Variants in TRHDE observed in about 807,000 individuals in gnomAD.
TRHDE encodes thyrotropin releasing hormone degrading enzyme, also known as thyrotropin-releasing hormone-degrading ectoenzyme.
TRHDE carries 72 observed loss-of-function variants against 125.7 expected under a neutral mutation model. The ratio of observed to expected loss-of-function variants is 0.57; its 90% confidence interval spans 0.47 to 0.70. TRHDE has a LOEUF of 0.70. TRHDE is among the 30% of genes least tolerant of loss of function. The probability of loss-of-function intolerance (pLI) is 0.00; values close to 1 mark genes in which losing one functional copy is unlikely to be tolerated. For missense variants in TRHDE, 1,110 were observed against 1,327.1 expected, an observed-to-expected ratio of 0.84 and a Z score of 2.54; for synonymous variants, 509 against 509.1, an observed-to-expected ratio of 1.00 and a Z score of 0.00.
rs1027245878 is a variant in TRHDE at position 72,616,453 on chromosome 12, G to A, written c.2322-2438G>A. 2.6e-5 allele frequency among the ~76,000 whole-genome samples: 4 copies of A among 152,084 alleles called. No individual in the cohort carries two copies. The East Asian group carries it at 7.7e-4, about 29-fold the overall frequency. The stretch of plus-strand genomic sequence containing the variant: ...CTTAGTTCCATCCTTTTATTTTATA[G>A]ACACAGAATGTGAGGGCTGGAGAGA... On this transcript the variant is annotated intron_variant, in intron 12 of 18. Transcript: ENST00000261180.
intron 15 of TRHDE, among the ~76,000 whole-genome samples, chr12:72,640,533 T>A (rs983909691): frequency 1.3e-5 from 2 of 151,316 alleles, no homozygotes; most frequent in African/African-American, 2.4e-5. Flanking sequence ...CACTTACTTT[T>A]TCAATCCTTT....
At chr12:72,221,193 A>T (rs1277859443) in intron 2 of TRHDE, among the ~76,000 whole-genome samples, 1 of 152,088 alleles carries the variant, frequency 6.6e-6, no homozygotes, top group Non-Finnish European at 1.5e-5. Context: ...TGCCTATTAG[A>T]AAATATGTGT....
intron 12 of TRHDE, among the ~76,000 whole-genome samples, chr12:72,617,436 A>G (rs934230779): frequency 6.6e-6 from 1 of 152,144 alleles, no homozygotes; most frequent in African/African-American, 2.4e-5. Context: ...GACTAAATGG[A>G]AAAATTATTT....
At chr12:72,480,962 T>G (rs114977009) in intron 5 of TRHDE, among the ~76,000 whole-genome samples, 2,883 of 152,186 alleles carry the variant, frequency 0.019, 85 homozygotes, top group African/African-American at 0.066. Context: ...GTAAAAACGT[T>G]ATTCTCTTTT....
intron 2 of TRHDE, among the ~76,000 whole-genome samples, chr12:72,203,075 T>G (rs978262990): frequency 4.6e-5 from 7 of 152,278 alleles, no homozygotes; most frequent in African/African-American, 1.7e-4. Context: ...AGTGAACTAT[T>G]ATGTCTTTTA....
At chr12:72,589,298 T>C (rs773798669) in intron 12 of TRHDE, among the ~76,000 whole-genome samples, 2 of 152,214 alleles carry the variant, frequency 1.3e-5, no homozygotes, top group Non-Finnish European at 2.9e-5. Context: ...GAGACTCTTT[T>C]CATATGCTCA....
chr12:72,600,941 T>C (rs771095497), intron 12 of TRHDE, among the ~76,000 whole-genome samples: 1 of 152,086 alleles, frequency 6.6e-6, no homozygotes, highest in Non-Finnish European at 1.5e-5. Flanking sequence ...ACAACATCCA[T>C]TCTACAACCT....
At chr12:72,234,174 T>G (rs1363535701) in intron 2 of TRHDE, among the ~76,000 whole-genome samples, 1 of 152,180 alleles carries the variant, frequency 6.6e-6, no homozygotes, top group East Asian at 1.9e-4. Flanking sequence ...AGAATTTTTT[T>G]TCTCTAAGTG....
intron 3 of TRHDE, among the ~76,000 whole-genome samples, chr12:72,430,122 T>A (rs746323088): frequency 2.6e-5 from 4 of 151,102 alleles, no homozygotes; most frequent in Non-Finnish European, 5.9e-5. Flanking sequence ...ATTTTATGGT[T>A]TTAGCTCTTA....
chr12:72,205,139 T>A (rs1010886323), intron 2 of TRHDE, among the ~76,000 whole-genome samples: 7 of 152,218 alleles, frequency 4.6e-5, no homozygotes, highest in Non-Finnish European at 8.8e-5. Flanking sequence ...CCACTCAGAC[T>A]GCTTATTCCT....
chr12:72,420,722 T>C (rs181414222), intron 3 of TRHDE, among the ~76,000 whole-genome samples: 2 of 152,298 alleles, frequency 1.3e-5, no homozygotes, highest in East Asian at 3.9e-4. Flanking sequence ...AGGTATGCTG[T>C]TGATCAATTT....
intron 3 of TRHDE, among the ~76,000 whole-genome samples, chr12:72,383,370 A>ATTTTTTTTT (rs552559387): frequency 5.9e-5 from 6 of 100,956 alleles, no homozygotes; most frequent in Admixed American, 1.2e-4. Context: ...AACCCATTTA[A>ATTTTTTTTT]TTTTTTTTTT....
intron 2 of TRHDE, among the ~76,000 whole-genome samples, chr12:72,374,555 C>A (rs1871786764): frequency 6.6e-6 from 1 of 151,986 alleles, no homozygotes; most frequent in Non-Finnish European, 1.5e-5. Context: ...AACCTGGGAA[C>A]CCTCCAACAT....
intron 15 of TRHDE, among the ~76,000 whole-genome samples, chr12:72,651,576 T>C (rs1874507849): frequency 6.6e-6 from 1 of 151,798 alleles, no homozygotes; most frequent in Non-Finnish European, 1.5e-5. Flanking sequence ...TATTAAAAAG[T>C]CAGTAAATGT....
chr12:72,111,929 C>T (rs896434968), intron 2 of TRHDE, among the ~76,000 whole-genome samples: 7 of 151,766 alleles, frequency 4.6e-5, no homozygotes, highest in Non-Finnish European at 1.0e-4. Context: ...CTGGGTAGCA[C>T]GTTGCAGCTG....
intron 2 of TRHDE, among the ~76,000 whole-genome samples, chr12:72,326,976 G>A (rs1869369386): frequency 6.6e-6 from 1 of 152,086 alleles, no homozygotes; most frequent in Admixed American, 6.5e-5. Context: ...AAGCTCTACA[G>A]TTCTTTGATT....
In TRHDE at chr12:72,497,947, T is replaced by C. The variant is rs553245517; in HGVS notation, c.1585-1551T>C. 2.0e-5 allele frequency among the ~76,000 whole-genome samples: 3 copies of C among 148,686 alleles called. No individual in the cohort carries two copies. The East Asian group carries it at 6.2e-4, about 31-fold the overall frequency. On this transcript the variant is annotated intron_variant, in intron 5 of 18. Transcript: ENST00000261180. ...GGTTTGAGAAGAAATATAGTATTTATGTCATATTTGTCATTTAATTCAGTC... is the reference window on the plus strand; with the variant it reads ...GGTTTGAGAAGAAATATAGTATTTACGTCATATTTGTCATTTAATTCAGTC...
chr12:72,422,734 T>C (rs1234986639), intron 3 of TRHDE, among the ~76,000 whole-genome samples: 5 of 152,156 alleles, frequency 3.3e-5, no homozygotes, highest in African/African-American at 1.2e-4. Context: ...ATGGTTTGAA[T>C]GTGTCCCTCA....
intron 3 of TRHDE, among the ~76,000 whole-genome samples, chr12:72,418,014 A>G (rs1365877673): frequency 6.6e-6 from 1 of 152,038 alleles, no homozygotes; most frequent in Non-Finnish European, 1.5e-5. Flanking sequence ...TTTAAAAAAT[A>G]TTTTAGGCTT....
Sources: allele counts gnomAD v4.1 joint callset (sites outside exome capture counted in the v4.1 genomes callset), GRCh38; gene constraint gnomAD v4.1.1; transcripts MANE v1.5; gene names NCBI Gene and HGNC (gene_info 2026-07-23, HGNC 2026-07-21).